The following OGFRL1 variants were observed in gnomAD, a reference collection of about 807,000 sequenced individuals.
OGFRL1 encodes the protein opioid growth factor receptor-like protein 1.
Under a neutral mutation model 32.4 loss-of-function variants are expected in OGFRL1, and 26 were observed. The observed-to-expected ratio is 0.80, with a 90% confidence interval of 0.59 to 1.11. OGFRL1 has a LOEUF of 1.11. Ranked by LOEUF, OGFRL1 falls within the 50% of genes most tolerant of loss-of-function variation. The pLI is 0.00. For missense variants in OGFRL1, 521 were observed against 546.4 expected (o/e 0.95, Z 0.46); for synonymous variants, 211 against 201.2 (o/e 1.05, Z -0.41).
rs150527080 is a variant in OGFRL1, at chr6:71,304,795, T to C, written c.*2746T>C. 1.5e-4 allele frequency: 23 copies of C among 152,198 alleles called. No individual in the cohort carries two copies. The highest frequency in any genetic ancestry group is 5.5e-4 in the African/African-American group (23 of 41,576). 9.4% of individuals were successfully genotyped at this position (152,198 alleles called of 1,614,324 possible). A position where few individuals can be genotyped will look rare whatever the true frequency, so the allele number is the denominator to read the frequency against. On this transcript the variant is annotated 3_prime_UTR_variant, in exon 7 of 7. Coordinates refer to ENST00000370435, the MANE Select transcript of OGFRL1 (RefSeq NM_024576.5). ...TCCCACTATGGTGTTTTTAAATGCA[T>C]ATTCATATATAATAGTATGTTTCTT... is the stretch of plus-strand genomic sequence containing the variant.
At chr6:71,299,542 A>T (rs1766319512) in intron 6 of OGFRL1, among the ~76,000 whole-genome samples, 1 of 152,160 alleles carries the variant, frequency 6.6e-6, no homozygotes, top group African/African-American at 2.4e-5. Context: ...GGCTATATAA[A>T]ATTGAGCTGG....
intron 3 of OGFRL1, among the ~76,000 whole-genome samples, chr6:71,294,190 G>A (rs1301840221): frequency 2.0e-5 from 3 of 152,006 alleles, no homozygotes; most frequent in African/African-American, 7.2e-5. Flanking sequence ...CTCTGCAATT[G>A]CCCTCCTAGG....
At position 71,304,559 on chromosome 6, in the gene OGFRL1, A is replaced by T. The variant is rs1337552786; in HGVS notation, c.*2510A>T. The T allele has an allele frequency of 1.3e-5, 2 of 152,158 alleles. No individual in the cohort carries two copies. Among genetic ancestry groups the T allele is most frequent in the Non-Finnish European group, 2.9e-5 (2 of 67,980 alleles). The allele number at this position is 152,158 out of a possible 1,614,324, so 9.4% of individuals were successfully genotyped here. A position where few individuals can be genotyped will look rare whatever the true frequency, so the allele number is the denominator to read the frequency against. On this transcript the variant is annotated 3_prime_UTR_variant, in exon 7 of 7. Coordinates refer to ENST00000370435, the MANE Select transcript of OGFRL1 (RefSeq NM_024576.5). ...GTGACCAGATATTATGATATTAATA[A>T]AGTTACCAGATACTAAAATCAATGA...
intron 1 of OGFRL1, chr6:71,289,642 C>A: frequency 3.1e-6 from 3 of 980,412 alleles, no homozygotes; most frequent in Non-Finnish European, 3.6e-6. Flanking sequence ...ACAGTGGGGT[C>A]TAAGCCGTCA....
At chr6:71,300,649 T>G (rs1439510232) in intron 6 of OGFRL1, among the ~76,000 whole-genome samples, 1 of 152,144 alleles carries the variant, frequency 6.6e-6, no homozygotes, top group Non-Finnish European at 1.5e-5. Context: ...ACCCAGCATG[T>G]GTATCATCTC....
intron 1 of OGFRL1, 190 bp downstream of exon 1, chr6:71,289,360 G>A (rs1300169868): frequency 1.0e-6 from 1 of 982,146 alleles, no homozygotes; most frequent in Non-Finnish European, 1.2e-6. Context: ...AGCCCAAAGC[G>A]CCGGACCCTC....
chr6:71,293,465 A>C, intron 2 of OGFRL1, 68 bp from the exon 3 acceptor site: 1 of 1,561,852 alleles, frequency 6.4e-7, no homozygotes, highest in African/African-American at 1.4e-5. Context: ...GAAAACATGC[A>C]TGAAGGGTCC....
rs939018780 is a variant in OGFRL1, at chr6:71,306,473, T to C, written c.*4424T>C. 2 of 152,184 alleles carry C rather than the reference T, an allele frequency of 1.3e-5. No homozygotes were observed. The highest frequency in any genetic ancestry group is 2.9e-5 in the Non-Finnish European group (2 of 68,014). 9.4% of individuals were successfully genotyped at this position (152,184 alleles called of 1,614,324 possible). On this transcript the variant is annotated 3_prime_UTR_variant, in exon 7 of 7. Transcript: ENST00000370435. ...AGCTATAAATATGAATGTCTGGAGG[T>C]ATCCAGATGTGCCTTAACAAATGTA...
rs1464329698 is a variant in OGFRL1, at chr6:71,307,194, A to G, written c.*5145A>G. Reference sequence around the variant, plus strand: ...GTTCAGAGAGGGAGAAGGGACAAGAATCAGTGTGGGCATCTCAGGAAAGTG... The same window carrying G: ...GTTCAGAGAGGGAGAAGGGACAAGAGTCAGTGTGGGCATCTCAGGAAAGTG... On this transcript the variant is annotated 3_prime_UTR_variant, in exon 7 of 7. Transcript: ENST00000370435. 1 of 152,240 alleles carries G rather than the reference A, an allele frequency of 6.6e-6. No homozygotes were observed. Among genetic ancestry groups the G allele is most frequent in the Non-Finnish European group, 1.5e-5 (1 of 68,064 alleles). The allele number at this position is 152,240 out of a possible 1,614,324, so 9.4% of individuals were successfully genotyped here. A position where few individuals can be genotyped will look rare whatever the true frequency, so the allele number is the denominator to read the frequency against.
chr6:71,297,596 T>C (rs1033288821), intron 6 of OGFRL1, among the ~76,000 whole-genome samples: 1 of 152,092 alleles, frequency 6.6e-6, no homozygotes, highest in Non-Finnish European at 1.5e-5. Context: ...TGCTGGCCTA[T>C]ACAGCCACCA....
intron 3 of OGFRL1, chr6:71,295,198 C>G (rs1766167797): frequency 6.6e-6 from 1 of 152,064 alleles, no homozygotes; most frequent in East Asian, 1.9e-4. Context: ...ATTTATTTAT[C>G]AGGCAGGAGG....
At position 71,305,351 on chromosome 6, in the gene OGFRL1, A is replaced by G. The variant is rs764741401; in HGVS notation, c.*3302A>G. On this transcript the variant is annotated 3_prime_UTR_variant, in exon 7 of 7. Transcript: ENST00000370435. ...GTTATAAGATATATTTCTGTACAGT[A>G]GAGAAAGAGTTTATAACATGAAGAA... 2 of 152,088 alleles carry G rather than the reference A, an allele frequency of 1.3e-5. No individual in the cohort carries two copies. The highest frequency in any genetic ancestry group is 2.9e-5 in the Non-Finnish European group (2 of 67,924). The allele number at this position is 152,088 out of a possible 1,614,324, so 9.4% of individuals were successfully genotyped here.
At chr6:71,296,240 ACT>A in intron 3 of OGFRL1, 75 bp from the exon 4 acceptor site, 1 of 979,938 alleles carries the variant, frequency 1.0e-6, no homozygotes. Context: ...TTCATATAAA[ACT>A]CAAGTGATTC....
chr6:71,289,378 C>G, intron 1 of OGFRL1: 1 of 984,712 alleles, frequency 1.0e-6, no homozygotes, highest in Non-Finnish European at 1.2e-6. Context: ...CTCCCACTGC[C>G]GGCCTGGGGC....
rs1766469985 is a variant in OGFRL1, at chr6:71,303,871, T to C, written c.*1822T>C. The C allele has an allele frequency of 6.6e-6, 1 of 152,186 alleles. No homozygotes were observed. Among genetic ancestry groups the C allele is most frequent in the African/African-American group, 2.4e-5 (1 of 41,468 alleles). The allele number at this position is 152,186 out of a possible 1,614,324, so 9.4% of individuals were successfully genotyped here. ...TGTGATAAGAACTTCAAAGCATATA[T>C]ACAAATATAGTTAAAGCAATGAATA... On this transcript the variant is annotated 3_prime_UTR_variant, in exon 7 of 7. Coordinates refer to ENST00000370435, the MANE Select transcript of OGFRL1 (RefSeq NM_024576.5).
Position 71,302,799 on chromosome 6 carries a change from TG to T in OGFRL1, c.*751del, listed in dbSNP as rs1186193169. On this transcript the variant is annotated 3_prime_UTR_variant, in exon 7 of 7. Coordinates refer to ENST00000370435, the MANE Select transcript of OGFRL1 (RefSeq NM_024576.5). ...AATTTTTTTTTTAACTGTAAGAGTTTGATCTTTTCAAATGTGTTCAGAAACT... is the reference window on the plus strand; with the variant it reads ...AATTTTTTTTTTAACTGTAAGAGTTTATCTTTTCAAATGTGTTCAGAAACT... 6.6e-6 allele frequency: 1 copy of T among 152,172 alleles called. No individual in the cohort carries two copies. The highest frequency in any genetic ancestry group is 1.5e-5 in the Non-Finnish European group (1 of 68,022). 9.4% of individuals were successfully genotyped at this position (152,172 alleles called of 1,614,324 possible). A position where few individuals can be genotyped will look rare whatever the true frequency, so the allele number is the denominator to read the frequency against.
In OGFRL1 at chr6:71,307,990, T is replaced by C. The variant is rs1766607606; in HGVS notation, c.*5941T>C. ...GGGGACATGCTTTAAGAATCAGCTCTGTATTTGTGCCAAGGAGATCAGGTA... is the reference window on the plus strand; with the variant it reads ...GGGGACATGCTTTAAGAATCAGCTCCGTATTTGTGCCAAGGAGATCAGGTA... On this transcript the variant is annotated 3_prime_UTR_variant, in exon 7 of 7. Transcript: ENST00000370435. 1 of 152,242 alleles carries C rather than the reference T, an allele frequency of 6.6e-6. No homozygotes were observed. The highest frequency in any genetic ancestry group is 6.5e-5 in the Admixed American group (1 of 15,286). 9.4% of individuals were successfully genotyped at this position (152,242 alleles called of 1,614,324 possible). A position where few individuals can be genotyped will look rare whatever the true frequency, so the allele number is the denominator to read the frequency against.
At chr6:71,300,061 C>T (rs1766335078) in intron 6 of OGFRL1, among the ~76,000 whole-genome samples, 2 of 152,150 alleles carry the variant, frequency 1.3e-5, no homozygotes, top group African/African-American at 4.8e-5. Flanking sequence ...TCCCTGCTTC[C>T]CAAGTAATTT....
At chr6:71,297,334 G>A (rs1766243667) in intron 6 of OGFRL1, among the ~76,000 whole-genome samples, 1 of 151,878 alleles carries the variant, frequency 6.6e-6, no homozygotes, top group Admixed American at 6.6e-5. Flanking sequence ...TCACTATTAA[G>A]GTAAAAAACA....
Sources: allele counts gnomAD v4.1 joint callset (sites outside exome capture counted in the v4.1 genomes callset), GRCh38; gene constraint gnomAD v4.1.1; transcripts MANE v1.5; gene names NCBI Gene and HGNC (gene_info 2026-07-23, HGNC 2026-07-21).